The following DSE variants were observed in gnomAD, a reference collection of about 807,000 sequenced individuals.
The protein encoded by DSE is dermatan sulfate epimerase.
In DSE, 36 loss-of-function variants were observed where a neutral mutation model predicts 84.4. The ratio of observed to expected loss-of-function variants is 0.43; its 90% CI spans 0.33 to 0.56. DSE has a LOEUF of 0.56. Among genes scored for constraint, DSE ranks in the 20% least tolerant of loss-of-function variants. DSE has a pLI of 0.06. For synonymous variants in DSE, 410 were observed against 430.1 expected, an observed-to-expected ratio of 0.95 and a Z score of 0.58; for missense variants, 862 against 1,169.6, an observed-to-expected ratio of 0.74 and a Z score of 3.84.
At chr6:116,359,000 T>G (rs1214660431) in intron 2 of DSE, among the ~76,000 whole-genome samples, 1 of 152,238 alleles carries the variant, frequency 6.6e-6, no homozygotes, top group African/African-American at 2.4e-5. Context: ...TGCAATGTTT[T>G]TAAGCTTCAA....
intron 2 of DSE, chr6:116,280,350 A>C: frequency 5.1e-6 from 1 of 195,886 alleles, no homozygotes; most frequent in Non-Finnish European, 1.1e-5. Context: ...TTCTTAGTAA[A>C]AGTGACATAA....
At chr6:116,370,453 G>GT (rs1336238654), upstream of DSE, 2 of 987,494 alleles carry the variant, frequency 2.0e-6, no homozygotes, top group African/African-American at 3.5e-5. Flanking sequence ...AAAAGAGGCA[G>GT]TAACTATTCG....
chr6:116,323,336 A>G (rs1321093174), intron 2 of DSE, among the ~76,000 whole-genome samples: 1 of 152,250 alleles, frequency 6.6e-6, no homozygotes, highest in Non-Finnish European at 1.5e-5. Flanking sequence ...GACTGTACTC[A>G]ATCTTATTAG....
intron 1 of DSE, 36 bp downstream of exon 1, chr6:116,371,157 G>A (rs1779528848): frequency 3.0e-6 from 3 of 985,864 alleles, no homozygotes; most frequent in Non-Finnish European, 3.6e-6. Flanking sequence ...GAGCTGGGGC[G>A]CGCGGCGCAA....
At position 116,439,943 on chromosome 6, in the gene DSE, CTCTTTTT is replaced by C. The variant is rs1229579270; in HGVS notation, c.*2600_*2606del. 3.8e-5 allele frequency: 5 copies of C among 131,824 alleles called. No individual in the cohort carries two copies. The highest frequency in any genetic ancestry group is 8.1e-5 in the Non-Finnish European group (5 of 61,460). 8.2% of individuals were successfully genotyped at this position (131,824 alleles called of 1,614,324 possible). A position where few individuals can be genotyped will look rare whatever the true frequency, so the allele number is the denominator to read the frequency against. On this transcript the variant is annotated 3_prime_UTR_variant, in exon 6 of 6. Transcript: ENST00000644252. ...GGAGACAGAGTGAGACCGTGTTTCT[CTCTTTTT>C]TTTTTTTTTAAGTATATTCCCTTGT...
chr6:116,327,595 C>G (rs1178804339), intron 2 of DSE, among the ~76,000 whole-genome samples: 1 of 152,186 alleles, frequency 6.6e-6, no homozygotes, highest in Non-Finnish European at 1.5e-5. Flanking sequence ...ATAGAAGTCA[C>G]TGGTATTACA....
intron 2 of DSE, among the ~76,000 whole-genome samples, chr6:116,419,720 TG>T (rs1474830460): frequency 6.6e-6 from 1 of 152,234 alleles, no homozygotes; most frequent in African/African-American, 2.4e-5. Flanking sequence ...TTATAATTTT[TG>T]TAAAGCTTGT....
At chr6:116,280,683 G>C (rs1270714037) in intron 2 of DSE, among the ~76,000 whole-genome samples, 1 of 152,208 alleles carries the variant, frequency 6.6e-6, no homozygotes, top group Non-Finnish European at 1.5e-5. Flanking sequence ...TTCATTAGAG[G>C]GGGATGTCAA....
At chr6:116,403,963 G>T (rs940702816) in intron 2 of DSE, among the ~76,000 whole-genome samples, 1 of 152,206 alleles carries the variant, frequency 6.6e-6, no homozygotes, top group East Asian at 1.9e-4. Flanking sequence ...CTAAAACCTT[G>T]ATCAGGGAGG....
At chr6:116,410,453 G>T (rs1782247898) in intron 2 of DSE, among the ~76,000 whole-genome samples, 1 of 152,112 alleles carries the variant, frequency 6.6e-6, no homozygotes, top group Non-Finnish European at 1.5e-5. Context: ...AAATCTACAG[G>T]CCGAGCGTGG....
At chr6:116,258,559 T>A in exon 2 of DSE, 1 of 1,520,558 alleles carries the variant, frequency 6.6e-7, no homozygotes, top group Non-Finnish European at 9.1e-7. Flanking sequence ...GGCATAGGAG[T>A]TGGAGGAGCC....
chr6:116,370,562 C>T (rs1021328204), upstream of DSE: 16 of 944,814 alleles, frequency 1.7e-5, no homozygotes, highest in Middle Eastern at 5.4e-4. Flanking sequence ...ATCAGCTCCT[C>T]CCCCTGGGCC....
intron 2 of DSE, among the ~76,000 whole-genome samples, chr6:116,273,539 A>G (rs1772975636): frequency 6.6e-6 from 1 of 152,218 alleles, no homozygotes; most frequent in Non-Finnish European, 1.5e-5. Flanking sequence ...GACTTTAATT[A>G]TATAATAATG....
At chr6:116,425,590 C>A (rs1287638634) in intron 2 of DSE, among the ~76,000 whole-genome samples, 1 of 149,078 alleles carries the variant, frequency 6.7e-6, no homozygotes, top group East Asian at 2.0e-4. Flanking sequence ...CAATGTAATT[C>A]TTTTTTTTAT....
chr6:116,343,276 C>T (rs1166328484), intron 2 of DSE, among the ~76,000 whole-genome samples: 1 of 152,186 alleles, frequency 6.6e-6, no homozygotes, highest in East Asian at 1.9e-4. Flanking sequence ...CGTCCCTGTC[C>T]AAAAGCTCTG....
chr6:116,254,286 A>C lies in DSE; in HGVS notation c.-585A>C, dbSNP rs769292850. 35 of 654,898 alleles carry C rather than the reference A, an allele frequency of 5.3e-5. No individual in the cohort carries two copies. The East Asian group carries it at 5.8e-4, about 11-fold the overall frequency. 40.6% of individuals were successfully genotyped at this position (654,898 alleles called of 1,614,324 possible). A position where few individuals can be genotyped will look rare whatever the true frequency, so the allele number is the denominator to read the frequency against. ...ACTTACGTAAATGGATGTAGACCAG[A>C]CTCAAGCATGTAAGAACTGTGTTAA... is the stretch of plus-strand genomic sequence containing the variant. On this transcript the variant is annotated 5_prime_UTR_variant, in exon 1 of 4. Coordinates refer to the DSE transcript ENST00000430252.
chr6:116,412,196 T>G (rs1782416009), intron 2 of DSE, among the ~76,000 whole-genome samples: 1 of 152,146 alleles, frequency 6.6e-6, no homozygotes, highest in Admixed American at 6.5e-5. Flanking sequence ...TCATTATTTC[T>G]CTTGAATGTA....
At chr6:116,301,955 G>A (rs901155237) in intron 2 of DSE, among the ~76,000 whole-genome samples, 8 of 152,194 alleles carry the variant, frequency 5.3e-5, no homozygotes, top group Non-Finnish European at 1.0e-4. Flanking sequence ...TCCCTGCAAA[G>A]GACATGAAGC....
rs41289928 is a variant in DSE, at chr6:116,438,186, A to T, written c.*841A>T. ...AATGTTGATTTTCATACCAAAGAAG[A>T]TGGAGAGTCTAAAATTTGGATATGA... On this transcript the variant is annotated 3_prime_UTR_variant, in exon 6 of 6. Transcript: ENST00000644252. The T allele has an allele frequency of 5.2e-3, 787 of 152,686 alleles. 7 individuals are homozygous for T. Among genetic ancestry groups the T allele is most frequent in the Middle Eastern group, 0.034 (10 of 294 alleles). 9.5% of individuals were successfully genotyped at this position (152,686 alleles called of 1,614,324 possible).
Sources: gnomAD v4.1 joint callset for allele counts (sites outside exome capture counted in the v4.1 genomes callset) on GRCh38, gnomAD v4.1.1 for gene constraint, MANE v1.5 for transcripts, NCBI Gene and HGNC (gene_info 2026-07-23, HGNC 2026-07-21) for gene names.